The following RIMS2 variants were observed in gnomAD, a reference collection of about 807,000 sequenced individuals.
RIMS2 encodes regulating synaptic membrane exocytosis protein 2.
A neutral mutation model predicts 174.4 loss-of-function variants in RIMS2; 59 were observed. The observed-to-expected ratio is 0.34, with a 90% confidence interval of 0.27 to 0.42. The LOEUF (loss-of-function observed/expected upper bound fraction) is 0.42. Among genes scored for constraint, RIMS2 ranks in the 10% least tolerant of loss-of-function variants. The probability of loss-of-function intolerance (pLI) is 1.00; values close to 1 mark genes in which losing one functional copy is unlikely to be tolerated. For synonymous variants in RIMS2, 606 were observed against 572.5 expected, an observed-to-expected ratio of 1.06 and a Z score of -0.84; for missense variants, 1,620 against 1,666.3, an observed-to-expected ratio of 0.97 and a Z score of 0.48.
chr8:103,994,949 A>G (rs1276498645), intron 17 of RIMS2, among the ~76,000 whole-genome samples: 1 of 151,986 alleles, frequency 6.6e-6, no homozygotes, highest in Non-Finnish European at 1.5e-5. Context: ...TATAAATTTT[A>G]GCAAGCTTTG....
At chr8:103,630,261 C>T (rs1270441576) in intron 1 of RIMS2, among the ~76,000 whole-genome samples, 4 of 151,584 alleles carry the variant, frequency 2.6e-5, no homozygotes, top group Admixed American at 2.6e-4. Flanking sequence ...GCAGATTTCT[C>T]ATCAAAACCC....
At chr8:103,735,871 T>A (rs991796053) in intron 2 of RIMS2, among the ~76,000 whole-genome samples, 1 of 152,188 alleles carries the variant, frequency 6.6e-6, no homozygotes, top group African/African-American at 2.4e-5. Flanking sequence ...AGATGAACTT[T>A]TTCTAGTTTA....
intron 19 of RIMS2, among the ~76,000 whole-genome samples, chr8:104,196,047 CA>C (rs1205169736): frequency 1.3e-5 from 2 of 151,962 alleles, no homozygotes; most frequent in Non-Finnish European, 2.9e-5. Context: ...TAACATGAAG[CA>C]CAGAAAATTA....
intron 2 of RIMS2, among the ~76,000 whole-genome samples, chr8:103,713,519 T>C (rs1347407240): frequency 1.3e-5 from 2 of 152,178 alleles, no homozygotes; most frequent in Admixed American, 6.5e-5. Context: ...ATCTCAGATT[T>C]CTTTCCTTTC....
At chr8:103,528,242 T>G (rs937587887) in intron 1 of RIMS2, among the ~76,000 whole-genome samples, 1 of 152,022 alleles carries the variant, frequency 6.6e-6, no homozygotes, top group Admixed American at 6.6e-5. Context: ...GGGGTTGTTT[T>G]TTTTTTTCTT....
At chr8:103,589,313 G>C (rs1895897) in intron 1 of RIMS2, among the ~76,000 whole-genome samples, 56,916 of 143,656 alleles carry the variant, frequency 0.4, 11,047 homozygotes, top group African/African-American at 0.42. Context: ...AAATGGCAAA[G>C]AGGCATATGA....
intron 19 of RIMS2, among the ~76,000 whole-genome samples, chr8:104,239,226 A>G (rs1224041442): frequency 6.6e-6 from 1 of 152,100 alleles, no homozygotes; most frequent in Non-Finnish European, 1.5e-5. Context: ...TGGTTTCCAG[A>G]TATTATTAGG....
chr8:103,939,522 C>T (rs1358020300), intron 13 of RIMS2, among the ~76,000 whole-genome samples: 2 of 152,178 alleles, frequency 1.3e-5, no homozygotes, highest in African/African-American at 2.4e-5. Flanking sequence ...GAGGGGCTGC[C>T]GTGAAGACCT....
At chr8:103,573,785 A>G (rs938891779) in intron 1 of RIMS2, among the ~76,000 whole-genome samples, 1 of 152,134 alleles carries the variant, frequency 6.6e-6, no homozygotes, top group African/African-American at 2.4e-5. Context: ...TTTGATCTGT[A>G]TATTGCTTTG....
chr8:104,241,995 A>G (rs1368283524), intron 19 of RIMS2, among the ~76,000 whole-genome samples: 1 of 152,084 alleles, frequency 6.6e-6, no homozygotes, highest in Admixed American at 6.6e-5. Flanking sequence ...CCTGGCCTCA[A>G]GTGATCTGCC....
intron 1 of RIMS2, among the ~76,000 whole-genome samples, chr8:103,651,667 C>T (rs1471834036): frequency 6.6e-6 from 1 of 151,912 alleles, no homozygotes; most frequent in Non-Finnish European, 1.5e-5. Context: ...ATTTAATATA[C>T]CTAGTTATTT....
At chr8:103,517,873 A>C (rs959610318) in intron 1 of RIMS2, among the ~76,000 whole-genome samples, 1 of 151,858 alleles carries the variant, frequency 6.6e-6, no homozygotes, top group Non-Finnish European at 1.5e-5. Flanking sequence ...AAGAAGAAGA[A>C]TTGTCTTGGG....
intron 2 of RIMS2, among the ~76,000 whole-genome samples, chr8:103,722,333 A>T (rs185773535): frequency 7.1e-4 from 108 of 152,288 alleles, no homozygotes; most frequent in Middle Eastern, 3.4e-3. Context: ...TATTTCTATT[A>T]TTATTACATT....
chr8:104,015,582 G>T (rs1360784231), intron 19 of RIMS2: 5 of 428,568 alleles, frequency 1.2e-5, no homozygotes, highest in African/African-American at 6.1e-5. Flanking sequence ...AAATTATTTT[G>T]TTTTATGATA....
At chr8:103,989,044 A>T (rs2094531981) in intron 16 of RIMS2, among the ~76,000 whole-genome samples, 1 of 152,220 alleles carries the variant, frequency 6.6e-6, no homozygotes, top group Non-Finnish European at 1.5e-5. Flanking sequence ...ATATAAGGAT[A>T]TATGATAGTC....
intron 3 of RIMS2, among the ~76,000 whole-genome samples, chr8:103,849,443 T>A (rs1369980184): frequency 6.6e-6 from 1 of 152,034 alleles, no homozygotes; most frequent in Admixed American, 6.6e-5. Flanking sequence ...TGAGGAAACA[T>A]GTGGTCTCAG....
intron 1 of RIMS2, among the ~76,000 whole-genome samples, chr8:103,619,846 G>C (rs191853518): frequency 6.6e-6 from 1 of 152,034 alleles, no homozygotes; most frequent in South Asian, 2.1e-4. Context: ...AAAAGGCTAT[G>C]TATTTTTCTG....
At chr8:103,755,194 G>T (rs956487799) in intron 2 of RIMS2, among the ~76,000 whole-genome samples, 1 of 152,128 alleles carries the variant, frequency 6.6e-6, no homozygotes, top group African/African-American at 2.4e-5. Flanking sequence ...ATAAAATTTA[G>T]TTTGACTGGA....
At chr8:103,879,355 G>A (rs2154516785) in intron 3 of RIMS2, among the ~76,000 whole-genome samples, 1 of 151,458 alleles carries the variant, frequency 6.6e-6, no homozygotes, top group Admixed American at 6.6e-5. Flanking sequence ...AAGAAGGATT[G>A]CTATTAACTG....
Sources: allele counts gnomAD v4.1 joint callset (sites outside exome capture counted in the v4.1 genomes callset), GRCh38; gene constraint gnomAD v4.1.1; transcripts MANE v1.5; gene names NCBI Gene and HGNC (gene_info 2026-07-23, HGNC 2026-07-21).